FBXW4: variants seen among roughly 807,000 people sequenced by gnomAD.
FBXW4 encodes F-box and WD repeat domain containing 4.
In FBXW4, 40 loss-of-function variants were observed where a neutral mutation model predicts 61.8. That is an observed-to-expected ratio of 0.65 (90% CI 0.50 to 0.84). The LOEUF (loss-of-function observed/expected upper bound fraction) is 0.84. Among genes scored for constraint, FBXW4 ranks in the 40% least tolerant of loss-of-function variants. The probability of loss-of-function intolerance (pLI) is 0.00; values close to 1 mark genes in which losing one functional copy is unlikely to be tolerated. For missense variants in FBXW4, 672 were observed against 753.8 expected, an observed-to-expected ratio of 0.89 and a Z score of 1.27; for synonymous variants, 311 against 313.8, an observed-to-expected ratio of 0.99 and a Z score of 0.10.
At chr10:101,621,433 C>T (rs533251886) in intron 6 of FBXW4, among the ~76,000 whole-genome samples, 1 of 152,224 alleles carries the variant, frequency 6.6e-6, no homozygotes, top group African/African-American at 2.4e-5. Context: ...GAGGCTGAGG[C>T]AGAAGGACCA....
intron 6 of FBXW4, among the ~76,000 whole-genome samples, chr10:101,613,590 G>T (rs1048444632): frequency 4.6e-5 from 7 of 152,236 alleles, no homozygotes; most frequent in African/African-American, 1.7e-4. Flanking sequence ...CAAAGGGCTT[G>T]AGGCAGACAA....
chr10:101,634,107 C>T (rs993876800), intron 5 of FBXW4, among the ~76,000 whole-genome samples: 9 of 150,826 alleles, frequency 6.0e-5, no homozygotes, highest in Admixed American at 1.3e-4. Context: ...AGCAAGACTC[C>T]GTCTCAAAAA....
intron 1 of FBXW4, among the ~76,000 whole-genome samples, chr10:101,682,428 AAT>A (rs2064488284): frequency 6.6e-6 from 1 of 152,200 alleles, no homozygotes; most frequent in Non-Finnish European, 1.5e-5. Flanking sequence ...TGAAAAAAAA[AAT>A]AGACTTCCCT....
intron 5 of FBXW4, among the ~76,000 whole-genome samples, chr10:101,650,815 C>A (rs1012559136): frequency 2.0e-5 from 3 of 152,166 alleles, no homozygotes; most frequent in African/African-American, 7.2e-5. Context: ...CACAGGCCCG[C>A]ATTAAAATCA....
At chr10:101,625,295 A>G (rs1351759621) in intron 5 of FBXW4, 1 of 185,036 alleles carries the variant, frequency 5.4e-6, no homozygotes, top group Non-Finnish European at 1.1e-5. Context: ...GAATCTGGTA[A>G]TGTGGTATAA....
At chr10:101,645,808 A>AT (rs2134851799) in intron 5 of FBXW4, among the ~76,000 whole-genome samples, 1 of 152,332 alleles carries the variant, frequency 6.6e-6, no homozygotes, top group East Asian at 1.9e-4. Context: ...AGAGCTCAGC[A>AT]CAGGACAGGC....
intron 1 of FBXW4, among the ~76,000 whole-genome samples, chr10:101,679,707 T>A (rs1035422620): frequency 2.6e-5 from 4 of 152,218 alleles, no homozygotes; most frequent in African/African-American, 9.6e-5. Context: ...TGCTTTTACA[T>A]ATTTTCTAAT....
intron 4 of FBXW4, 94 bp downstream of exon 4, chr10:101,672,821 G>A (rs557649776): frequency 7.6e-6 from 11 of 1,455,022 alleles, no homozygotes; most frequent in Middle Eastern, 2.3e-4. Flanking sequence ...GTCCCCAGAC[G>A]ATACTCTCAG....
chr10:101,612,295 G>C (rs1248130367), intron 7 of FBXW4, 42 bp downstream of exon 7: 23 of 1,493,032 alleles, frequency 1.5e-5, no homozygotes, highest in Non-Finnish European at 2.0e-5. Flanking sequence ...CAGGATTGGT[G>C]CAGGGCCCCC....
At chr10:101,651,674 C>A (rs2064147168) in intron 5 of FBXW4, among the ~76,000 whole-genome samples, 1 of 152,054 alleles carries the variant, frequency 6.6e-6, no homozygotes, top group Non-Finnish European at 1.5e-5. Flanking sequence ...CCCGGGCCCT[C>A]CCCTCCCTTC....
intron 4 of FBXW4, among the ~76,000 whole-genome samples, chr10:101,669,383 C>T (rs752052989): frequency 2.0e-5 from 3 of 152,252 alleles, no homozygotes; most frequent in Non-Finnish European, 4.4e-5. Flanking sequence ...ACACAAACTC[C>T]CTGGGAGGCA....
At chr10:101,629,608 G>C (rs1016968811) in intron 5 of FBXW4, among the ~76,000 whole-genome samples, 4 of 151,848 alleles carry the variant, frequency 2.6e-5, no homozygotes, top group African/African-American at 9.7e-5. Flanking sequence ...TTACACATGA[G>C]GAGACTGAGG....
rs1233504874 is a variant in FBXW4, at chr10:101,652,724, G to T, written c.1235+15162C>A. ...GGTATACATTTTTACCTTATTGGTG[G>T]TATCTATCAATCAGAATAGGGAAAA... On this transcript the variant is annotated intron_variant, in intron 5 of 8. Coordinates refer to ENST00000331272, the MANE Select transcript of FBXW4 (RefSeq NM_022039.4). 2.6e-5 allele frequency among the ~76,000 whole-genome samples: 4 copies of T among 152,254 alleles called. No homozygotes were observed. In the East Asian group the frequency reaches 7.7e-4, roughly 29 times the overall value.
At chr10:101,682,984 A>AT (rs2064494369) in intron 1 of FBXW4, among the ~76,000 whole-genome samples, 1 of 152,136 alleles carries the variant, frequency 6.6e-6, no homozygotes, top group Non-Finnish European at 1.5e-5. Context: ...TCATATCTAT[A>AT]TTTTTATTGG....
At chr10:101,691,222 G>T (rs1256139976) in intron 1 of FBXW4, among the ~76,000 whole-genome samples, 7 of 152,064 alleles carry the variant, frequency 4.6e-5, no homozygotes, top group Non-Finnish European at 1.0e-4. Flanking sequence ...TTTGGGCCCG[G>T]GTTCGCTGAC....
At chr10:101,673,398 T>C (rs992831785) in intron 3 of FBXW4, 90 bp downstream of exon 3, 9 of 1,435,246 alleles carry the variant, frequency 6.3e-6, no homozygotes, top group Non-Finnish European at 8.7e-6. Flanking sequence ...CCTCATCCCT[T>C]TGGAGTTAAG....
chr10:101,657,211 C>G (rs1168267437), intron 5 of FBXW4, among the ~76,000 whole-genome samples: 1 of 152,168 alleles, frequency 6.6e-6, no homozygotes, highest in African/African-American at 2.4e-5. Context: ...TAAGAACAAG[C>G]TTGGAAATGA....
At chr10:101,641,297 G>A (rs1589754566) in intron 5 of FBXW4, among the ~76,000 whole-genome samples, 1 of 152,220 alleles carries the variant, frequency 6.6e-6, no homozygotes, top group East Asian at 1.9e-4. Flanking sequence ...AATTAAGATG[G>A]TGATGGAAAA....
intron 1 of FBXW4, among the ~76,000 whole-genome samples, chr10:101,677,786 TA>T (rs60895988): frequency 2.5e-3 from 319 of 127,722 alleles, no homozygotes; most frequent in East Asian, 4.8e-3. Context: ...ACTCCCTCTC[TA>T]AAAAAAAAAA....
Sources: gnomAD v4.1 joint callset for allele counts (sites outside exome capture counted in the v4.1 genomes callset) on GRCh38, gnomAD v4.1.1 for gene constraint, MANE v1.5 for transcripts, NCBI Gene and HGNC (gene_info 2026-07-23, HGNC 2026-07-21) for gene names.